Variants in GCSAML observed in about 807,000 individuals in gnomAD.
The protein encoded by GCSAML is germinal center-associated signaling and motility-like protein.
Under a neutral mutation model 13.0 loss-of-function variants are expected in GCSAML, and 9 were observed. The observed-to-expected ratio is 0.69, with a 90% CI of 0.42 to 1.21. The LOEUF is 1.21. GCSAML is among the 50% of genes most tolerant of loss of function. GCSAML has a pLI of 0.00. For missense variants in GCSAML, 143 were observed against 153.4 expected (o/e 0.93, Z 0.36); for synonymous variants, 37 against 52.9 (o/e 0.70, Z 1.31).
chr1:247,536,586 GCC>G (rs1294903890), intron 2 of GCSAML: 3 of 152,200 alleles, frequency 2.0e-5, no homozygotes, highest in African/African-American at 7.2e-5. Flanking sequence ...AACCCCTGGA[GCC>G]TTCAGGAGGG....
At chr1:247,518,870 T>A (rs1363157646) in intron 1 of GCSAML, among the ~76,000 whole-genome samples, 7 of 152,046 alleles carry the variant, frequency 4.6e-5, no homozygotes, top group Non-Finnish European at 1.0e-4. Context: ...CTGCCTTTAG[T>A]CCTAGTTACT....
At chr1:247,562,102 G>A (rs1237512634) in intron 2 of GCSAML, among the ~76,000 whole-genome samples, 1 of 152,102 alleles carries the variant, frequency 6.6e-6, no homozygotes, top group Non-Finnish European at 1.5e-5. Flanking sequence ...TAGTTTGTTT[G>A]GCCTAAAAAG....
chr1:247,519,703 G>A (rs1558235120), intron 1 of GCSAML, among the ~76,000 whole-genome samples: 1 of 152,372 alleles, frequency 6.6e-6, no homozygotes, highest in East Asian at 1.9e-4. Flanking sequence ...ATGTGTGTGT[G>A]AAATGTGTTT....
intron 2 of GCSAML, among the ~76,000 whole-genome samples, chr1:247,560,198 C>T (rs906317257): frequency 2.6e-5 from 4 of 152,152 alleles, no homozygotes; most frequent in African/African-American, 9.7e-5. Flanking sequence ...AGCCTCGGAA[C>T]GACAGATAAC....
rs1206988987 is a variant in GCSAML, at chr1:247,563,579, T to G, written c.90-11T>G. On this transcript the variant is annotated splice_polypyrimidine_tract_variant and intron_variant, in intron 2 of 4. Transcript: ENST00000366488. ...CTGGAGTATCTCATGTTACTATCTC[T>G]TTCCTTGTAGGCAGGAAATGACTAC... 1.9e-6 allele frequency: 3 copies of G among 1,559,018 alleles called. No homozygotes were observed. The highest frequency in any genetic ancestry group is 2.6e-6 in the Non-Finnish European group (3 of 1,132,378).
At chr1:247,525,030 A>G (rs1327126247) in intron 1 of GCSAML, 1 of 151,858 alleles carries the variant, frequency 6.6e-6, no homozygotes, top group Admixed American at 6.5e-5. Flanking sequence ...ATCAAATGTT[A>G]GTGAAACTGT....
rs147480250 is a variant in GCSAML at position 247,561,433 on chromosome 1, A to G, written c.90-2157A>G. On this transcript the variant is annotated intron_variant, in intron 2 of 4. Transcript: ENST00000366488. ...TCTTTTCTTCCAGCTATTTTGAAAT[A>G]TACAATAAATTATTATTAACTATAA... Among the ~76,000 whole-genome samples, 1,157 of 152,308 alleles carry G rather than the reference A, an allele frequency of 7.6e-3. 10 individuals carry two copies. The highest frequency in any genetic ancestry group is 0.027 in the African/African-American group (1,107 of 41,558).
chr1:247,574,571 A>T lies in GCSAML; in HGVS notation c.*189A>T. On this transcript the variant is annotated 3_prime_UTR_variant, in exon 5 of 5. Coordinates refer to ENST00000366488, the MANE Select transcript of GCSAML (RefSeq NM_145278.5). ...CTCTGTGGCTTAGGTGAAATCATAG[A>T]AATTGACACAATGACCTAAAATATT... 1.7e-6 allele frequency: 1 copy of T among 601,982 alleles called. No homozygotes were observed. Among genetic ancestry groups the T allele is most frequent in the South Asian group, 2.5e-5 (1 of 40,624 alleles). 37.3% of individuals were successfully genotyped at this position (601,982 alleles called of 1,614,324 possible).
At chr1:247,544,257 A>G (rs1246480801), upstream of GCSAML, among the ~76,000 whole-genome samples, 5 of 152,346 alleles carry the variant, frequency 3.3e-5, no homozygotes, top group East Asian at 9.7e-4. Flanking sequence ...TGTATCATTC[A>G]TCAGTCAGGA....
intron 4 of GCSAML, 74 bp from the exon 5 acceptor site, chr1:247,574,069 G>GTACACT: frequency 6.5e-7 from 1 of 1,541,898 alleles, no homozygotes; most frequent in Non-Finnish European, 8.8e-7. Flanking sequence ...TAAAGAAGAA[G>GTACACT]GGAAGGTAGT....
At chr1:247,546,510 C>T (rs949676469), upstream of GCSAML, among the ~76,000 whole-genome samples, 14 of 152,104 alleles carry the variant, frequency 9.2e-5, no homozygotes, top group Non-Finnish European at 1.8e-4. Flanking sequence ...AGGTGCCCGC[C>T]ACCACGCCTG....
chr1:247,563,671 T>C (rs1280309922), intron 3 of GCSAML, 32 bp downstream of exon 3: 2 of 1,292,972 alleles, frequency 1.5e-6, no homozygotes, highest in Non-Finnish European at 2.2e-6. Flanking sequence ...TTTTTCATAG[T>C]AGGGAAGTGC....
intron 2 of GCSAML, among the ~76,000 whole-genome samples, chr1:247,542,601 A>C (rs1667449606): frequency 6.6e-6 from 1 of 152,198 alleles, no homozygotes; most frequent in South Asian, 2.1e-4. Context: ...AAATCTTTAA[A>C]TTTTACTTGC....
intron 2 of GCSAML, among the ~76,000 whole-genome samples, chr1:247,540,103 G>T (rs1047098351): frequency 6.6e-6 from 1 of 152,030 alleles, no homozygotes; most frequent in African/African-American, 2.4e-5. Flanking sequence ...ACAGAGTCTC[G>T]CACTGTTGCC....
rs1345606817 is a variant in GCSAML at position 247,526,797 on chromosome 1, C to A, written c.-262-143C>A. 2.8e-6 allele frequency: 1 copy of A among 358,480 alleles called. No homozygotes were observed. The highest frequency in any genetic ancestry group is 2.2e-5 in the South Asian group (1 of 46,362). 22.2% of individuals were successfully genotyped at this position (358,480 alleles called of 1,614,324 possible). A position where few individuals can be genotyped will look rare whatever the true frequency, so the allele number is the denominator to read the frequency against. On this transcript the variant is annotated intron_variant, in intron 1 of 5. Transcript: ENST00000366489. This position sits in a 1 kb window ranked among gnomAD's most constrained non-coding sequence, Gnocchi z 4.8. ...GGAGCCTAGAAAATTCTGACATATTCGGCTGAAAAGGGACCTGGCATCGAA... is the reference window on the plus strand; with the variant it reads ...GGAGCCTAGAAAATTCTGACATATTAGGCTGAAAAGGGACCTGGCATCGAA...
rs1666718212 is a variant in GCSAML at position 247,527,239 on chromosome 1, T to C, written c.-148+185T>C. On this transcript the variant is annotated intron_variant, in intron 2 of 5. Coordinates refer to the GCSAML transcript ENST00000366489. This position sits in a 1 kb window ranked among gnomAD's most constrained non-coding sequence, Gnocchi z 4.6. ...GTGCCAAACAGGGGCTGATGGATGG[T>C]CAGGGCAAAGCACAGTGCTGTCCTC... 2.6e-6 allele frequency: 1 copy of C among 378,616 alleles called. No individual in the cohort carries two copies. Among genetic ancestry groups the C allele is most frequent in the Admixed American group, 3.3e-5 (1 of 30,702 alleles). 23.5% of individuals were successfully genotyped at this position (378,616 alleles called of 1,614,324 possible).
At chr1:247,552,298 T>C (rs1027177696) in intron 1 of GCSAML, among the ~76,000 whole-genome samples, 10 of 152,208 alleles carry the variant, frequency 6.6e-5, no homozygotes, top group African/African-American at 1.9e-4. Flanking sequence ...AGTAAATGCA[T>C]TCCCAAGGAG....
intron 1 of GCSAML, among the ~76,000 whole-genome samples, chr1:247,554,179 G>A (rs1050256418): frequency 6.6e-6 from 1 of 152,132 alleles, no homozygotes; most frequent in Non-Finnish European, 1.5e-5. Context: ...AATTGTGTAC[G>A]CAGCTGTGTA....
At chr1:247,546,463 A>G (rs937798819), upstream of GCSAML, among the ~76,000 whole-genome samples, 11 of 152,012 alleles carry the variant, frequency 7.2e-5, no homozygotes, top group African/African-American at 2.4e-4. Context: ...GGTTCACGCC[A>G]TTCTCCTGCC....
Sources: gnomAD v4.1 joint callset for allele counts (sites outside exome capture counted in the v4.1 genomes callset) on GRCh38, gnomAD v4.1.1 for gene constraint, Gnocchi (gnomAD v3.1) non-coding constraint, MANE v1.5 for transcripts, NCBI Gene and HGNC (gene_info 2026-07-23, HGNC 2026-07-21) for gene names.